Variants in BRD4 observed in about 807,000 individuals in gnomAD.
The protein encoded by BRD4 is bromodomain-containing protein 4.
A neutral mutation model predicts 142.1 loss-of-function variants in BRD4; 16 were observed. The observed-to-expected ratio is 0.11, with a 90% CI of 0.08 to 0.17. The LOEUF is 0.17. Among genes scored for constraint, BRD4 ranks in the 10% least tolerant of loss-of-function variants. The pLI is 1.00. For missense variants in BRD4, 1,424 were observed against 1,810.9 expected, an observed-to-expected ratio of 0.79 and a Z score of 3.88; for synonymous variants, 833 against 707.5, an observed-to-expected ratio of 1.18 and a Z score of -2.82.
chr19:15,292,568 G>C (rs2047790188), intron 1 of BRD4, among the ~76,000 whole-genome samples: 1 of 152,046 alleles, frequency 6.6e-6, no homozygotes, highest in African/African-American at 2.4e-5. Flanking sequence ...CACGAGGTCA[G>C]GAGATCGAGA....
At position 15,238,156 on chromosome 19, in the gene BRD4, G is replaced by C. The variant is rs2047208716; in HGVS notation, c.*221C>G. 1.5e-6 allele frequency: 1 copy of C among 651,594 alleles called. No homozygotes were observed. Among genetic ancestry groups the C allele is most frequent in the Non-Finnish European group, 2.6e-6 (1 of 388,938 alleles). The allele number at this position is 651,594 out of a possible 1,614,324, so 40.4% of individuals were successfully genotyped here. A position where few individuals can be genotyped will look rare whatever the true frequency, so the allele number is the denominator to read the frequency against. On this transcript the variant is annotated 3_prime_UTR_variant, in exon 20 of 20. Transcript: ENST00000679869. The surrounding 1 kb of genome is among the most constrained non-coding windows in gnomAD (Gnocchi z 7.2). ...AAGGCGTGTGCTGAGCGGACGTCCT[G>C]TGAGGGGTGGTGGGTGGCGGGACGT...
At chr19:15,286,213 C>A (rs2047738903) in intron 1 of BRD4, among the ~76,000 whole-genome samples, 1 of 152,232 alleles carries the variant, frequency 6.6e-6, no homozygotes, top group African/African-American at 2.4e-5. Context: ...GTCCCCTCCA[C>A]CCCGAGCAGA....
intron 1 of BRD4, among the ~76,000 whole-genome samples, chr19:15,299,425 G>C (rs2047850028): frequency 6.6e-6 from 1 of 152,188 alleles, no homozygotes; most frequent in African/African-American, 2.4e-5. Flanking sequence ...CACACAGATT[G>C]CTATGCTATG....
At chr19:15,321,528 C>G (rs1263745581) in intron 1 of BRD4, among the ~76,000 whole-genome samples, 8 of 151,894 alleles carry the variant, frequency 5.3e-5, no homozygotes, top group African/African-American at 1.9e-4. Context: ...GAAAGCACTA[C>G]TGGGAAGACT....
At chr19:15,310,406 G>C (rs931698437) in intron 1 of BRD4, among the ~76,000 whole-genome samples, 4 of 120,184 alleles carry the variant, frequency 3.3e-5, no homozygotes, top group African/African-American at 1.3e-4. Flanking sequence ...TGTGGCCCAG[G>C]CTGGAGTGCA....
chr19:15,264,131 C>T, intron 6 of BRD4: 1 of 401,718 alleles, frequency 2.5e-6, no homozygotes, highest in Non-Finnish European at 4.5e-6. Flanking sequence ...GGGCACTGGG[C>T]CCCCAAGGCC....
intron 1 of BRD4, among the ~76,000 whole-genome samples, chr19:15,294,006 G>A (rs532703422): frequency 7.7e-4 from 117 of 152,286 alleles, no homozygotes; most frequent in Non-Finnish European, 1.3e-3. Context: ...CCGTTTCCTG[G>A]CATACGATTC....
intron 7 of BRD4, among the ~76,000 whole-genome samples, chr19:15,261,867 A>G (rs1034224155): frequency 1.3e-5 from 2 of 152,208 alleles, no homozygotes; most frequent in African/African-American, 2.4e-5. Flanking sequence ...AGGCTACAGT[A>G]AGCAGAATGA....
At chr19:15,247,309 G>C (rs767099522) in intron 11 of BRD4, 10 of 231,844 alleles carry the variant, frequency 4.3e-5, no homozygotes, top group Non-Finnish European at 8.5e-6. Context: ...CTGGTGCGTC[G>C]AGGCCCGGCT....
intron 1 of BRD4, among the ~76,000 whole-genome samples, chr19:15,303,719 T>C (rs1302205322): frequency 2.0e-5 from 3 of 152,236 alleles, no homozygotes; most frequent in Non-Finnish European, 4.4e-5. Context: ...GTTCTGTTTT[T>C]GATGGGGCAC....
intron 1 of BRD4, among the ~76,000 whole-genome samples, chr19:15,294,555 G>A (rs1022211256): frequency 2.0e-5 from 3 of 152,246 alleles, no homozygotes; most frequent in Admixed American, 6.5e-5. Flanking sequence ...GAAATCCAGG[G>A]CTAATTTTGT....
intron 7 of BRD4, among the ~76,000 whole-genome samples, chr19:15,261,499 A>G (rs546719886): frequency 6.6e-5 from 10 of 152,224 alleles, no homozygotes; most frequent in Non-Finnish European, 1.3e-4. Flanking sequence ...AAAGAAAGAA[A>G]GAAAGAAAGA....
Position 15,245,562 on chromosome 19 carries a change from T to C in BRD4, c.2159-800A>G, listed in dbSNP as rs113175941. On this transcript the variant is annotated intron_variant, in intron 11 of 19. Transcript: ENST00000679869. ...CAGTAGGGTGGATGGGTCCAGGGTG[T>C]GTCTGCCCCTGAGAGGTGTACTCGA... Among the ~76,000 whole-genome samples, 589 of 152,272 alleles carry C rather than the reference T, an allele frequency of 3.9e-3. 6 individuals are homozygous for C. The highest frequency in any genetic ancestry group is 0.013 in the African/African-American group (554 of 41,562).
At chr19:15,241,058 C>A (rs1354177420) in intron 14 of BRD4, among the ~76,000 whole-genome samples, 1 of 152,240 alleles carries the variant, frequency 6.6e-6, no homozygotes, top group Admixed American at 6.5e-5. Context: ...CCAGGACCCA[C>A]TCCTAACGCC....
chr19:15,251,569 T>A (rs993474830), intron 11 of BRD4, among the ~76,000 whole-genome samples: 1 of 150,460 alleles, frequency 6.6e-6, no homozygotes, highest in African/African-American at 2.4e-5. Flanking sequence ...GCCATGGACA[T>A]CAGGGCTGCC....
At position 15,238,317 on chromosome 19, in the gene BRD4, A is replaced by C. The variant is rs2047210044; in HGVS notation, c.*60T>G. 5 of 1,609,574 alleles carry C rather than the reference A, an allele frequency of 3.1e-6. No individual in the cohort carries two copies. In the East Asian group the frequency reaches 1.1e-4, roughly 36 times the overall value. On this transcript the variant is annotated 3_prime_UTR_variant, in exon 20 of 20. Coordinates refer to ENST00000679869, the MANE Select transcript of BRD4 (RefSeq NM_001379291.1). The surrounding 1 kb of genome is among the most constrained non-coding windows in gnomAD (Gnocchi z 7.2). ...TGATCCCACCTCCACCACCGCCCCT[A>C]ACACTATGGAAAGTCAATGTTTTGC...
intron 1 of BRD4, among the ~76,000 whole-genome samples, chr19:15,314,688 G>A (rs760596524): frequency 6.6e-6 from 1 of 152,122 alleles, no homozygotes; most frequent in Non-Finnish European, 1.5e-5. Flanking sequence ...TCTAAAACCT[G>A]TCAAAACAGG....
At chr19:15,309,128 T>C (rs1437067667) in intron 1 of BRD4, among the ~76,000 whole-genome samples, 1 of 151,456 alleles carries the variant, frequency 6.6e-6, no homozygotes, top group African/African-American at 2.4e-5. Flanking sequence ...CAAGGTCAGA[T>C]CAAGACCATC....
intron 1 of BRD4, among the ~76,000 whole-genome samples, chr19:15,304,335 C>G (rs922078773): frequency 6.6e-6 from 1 of 152,234 alleles, no homozygotes; most frequent in African/African-American, 2.4e-5. Flanking sequence ...AGGCTCCCCA[C>G]CATAGTTACA....
Sources: gnomAD v4.1 joint callset for allele counts (sites outside exome capture counted in the v4.1 genomes callset) on GRCh38, gnomAD v4.1.1 for gene constraint, Gnocchi (gnomAD v3.1) non-coding constraint, MANE v1.5 for transcripts, NCBI Gene and HGNC (gene_info 2026-07-23, HGNC 2026-07-21) for gene names.